KLHL1: variants seen among roughly 807,000 people sequenced by gnomAD.
The protein encoded by KLHL1 is kelch like family member 1.
KLHL1 carries 47 observed loss-of-function variants against 77.7 expected under a neutral mutation model. The observed-to-expected ratio is 0.60, with a 90% CI of 0.48 to 0.77. The LOEUF (loss-of-function observed/expected upper bound fraction) is 0.77. KLHL1 is among the 30% of genes least tolerant of loss of function. The pLI is 0.00. For synonymous variants in KLHL1, 360 were observed against 325.2 expected, an observed-to-expected ratio of 1.11 and a Z score of -1.15; for missense variants, 925 against 910.8, an observed-to-expected ratio of 1.02 and a Z score of -0.20.
At chr13:69,837,835 G>A (rs1879089783) in intron 6 of KLHL1, among the ~76,000 whole-genome samples, 1 of 151,224 alleles carries the variant, frequency 6.6e-6, no homozygotes, top group Non-Finnish European at 1.5e-5. Context: ...TTCAATAATA[G>A]TATATTCTAA....
chr13:69,923,204 G>A (rs533772659), intron 4 of KLHL1, among the ~76,000 whole-genome samples: 146 of 152,282 alleles, frequency 9.6e-4, no homozygotes, highest in African/African-American at 3.2e-3. Context: ...AAGGTCAGGG[G>A]AACCCTCAAA....
In KLHL1 at chr13:70,004,216, C is replaced by A. The variant is rs558112479; in HGVS notation, c.498-28414G>T. Among the ~76,000 whole-genome samples the A allele has an allele frequency of 5.9e-5, 9 of 151,728 alleles. No homozygotes were observed. The South Asian group carries it at 6.2e-4, about 10-fold the overall frequency. On this transcript the variant is annotated intron_variant, in intron 1 of 10. Transcript: ENST00000377844. ...CAGTCCTGAAAGGTTGGAAATAGAG[C>A]CAAAGTTGAGGATGGGGAAGCTACC...
intron 4 of KLHL1, among the ~76,000 whole-genome samples, chr13:69,907,109 A>T (rs1052449658): frequency 1.3e-5 from 2 of 151,994 alleles, no homozygotes; most frequent in Non-Finnish European, 2.9e-5. Context: ...TCCCTACTTC[A>T]CTTAAAAACA....
chr13:69,801,125 C>A (rs992021981), intron 6 of KLHL1, among the ~76,000 whole-genome samples: 4 of 152,068 alleles, frequency 2.6e-5, no homozygotes, highest in African/African-American at 9.7e-5. Context: ...CATATATACC[C>A]CATACATTTA....
At chr13:70,024,672 G>A (rs1434945994) in intron 1 of KLHL1, among the ~76,000 whole-genome samples, 1 of 83,720 alleles carries the variant, frequency 1.2e-5, no homozygotes, top group Admixed American at 1.3e-4. Context: ...CTCTGGCTCT[G>A]TCTCTTTTTC....
At chr13:69,945,972 C>T (rs1463320733) in intron 3 of KLHL1, among the ~76,000 whole-genome samples, 2 of 152,076 alleles carry the variant, frequency 1.3e-5, no homozygotes, top group African/African-American at 4.8e-5. Flanking sequence ...TATGCTTATT[C>T]AATGGAATAC....
In KLHL1 at chr13:70,046,702, C is replaced by T. The variant is rs559550190; in HGVS notation, c.497+60501G>A. On this transcript the variant is annotated intron_variant, in intron 1 of 10. Transcript: ENST00000377844. ...GTTTTGTTCTGTTTTTTAATAGAGACGGGGTTTCACCATGTTGGCCAGGCT... is the reference window on the plus strand; with the variant it reads ...GTTTTGTTCTGTTTTTTAATAGAGATGGGGTTTCACCATGTTGGCCAGGCT... Among the ~76,000 whole-genome samples, 27 of 152,068 alleles carry T rather than the reference C, an allele frequency of 1.8e-4. No individual in the cohort carries two copies. The South Asian group carries it at 1.9e-3, about 11-fold the overall frequency.
At chr13:69,821,841 C>A (rs187778633) in intron 6 of KLHL1, among the ~76,000 whole-genome samples, 55 of 152,076 alleles carry the variant, frequency 3.6e-4, no homozygotes, top group Non-Finnish European at 6.2e-4. Flanking sequence ...TTGCTTATGG[C>A]CCCATTAATA....
chr13:69,768,621 G>C (rs958211656), intron 7 of KLHL1, among the ~76,000 whole-genome samples: 4 of 152,068 alleles, frequency 2.6e-5, no homozygotes, highest in African/African-American at 9.7e-5. Context: ...TACTGATTCT[G>C]CATTGTATTT....
intron 7 of KLHL1, among the ~76,000 whole-genome samples, chr13:69,784,233 C>T (rs377742987): frequency 6.6e-6 from 1 of 152,054 alleles, no homozygotes; most frequent in African/African-American, 2.4e-5. Flanking sequence ...CAAAAACATG[C>T]CAAAATGTAA....
intron 1 of KLHL1, among the ~76,000 whole-genome samples, chr13:69,986,106 C>G (rs1884863153): frequency 6.6e-6 from 1 of 151,410 alleles, no homozygotes; most frequent in Non-Finnish European, 1.5e-5. Context: ...TATGTTCTCA[C>G]TTATGTGTAG....
intron 4 of KLHL1, among the ~76,000 whole-genome samples, chr13:69,912,178 T>C (rs1460799397): frequency 6.6e-6 from 1 of 152,210 alleles, no homozygotes; most frequent in Non-Finnish European, 1.5e-5. Context: ...TCTCCTTAGC[T>C]GTGGTCTTTA....
Position 69,760,229 on chromosome 13 carries a change from T to C in KLHL1, c.1640-19673A>G, listed in dbSNP as rs573025924. Among the ~76,000 whole-genome samples the C allele has an allele frequency of 6.6e-5, 10 of 152,200 alleles. No individual in the cohort carries two copies. In the East Asian group the frequency reaches 1.4e-3, roughly 21 times the overall value. ...TCTGCCTAGACTCAGTATGGATAAC[T>C]GAAAAAGAAACCAGGGATTGAGAGC... On this transcript the variant is annotated intron_variant, in intron 7 of 10. Transcript: ENST00000377844.
intron 1 of KLHL1, among the ~76,000 whole-genome samples, chr13:70,105,586 T>A (rs1309456301): frequency 6.6e-6 from 1 of 151,404 alleles, no homozygotes; most frequent in Non-Finnish European, 1.5e-5. Context: ...ATACTTAACC[T>A]AGTTTCCTTT....
intron 4 of KLHL1, among the ~76,000 whole-genome samples, chr13:69,922,395 T>C (rs181336667): frequency 4.7e-4 from 71 of 152,240 alleles, no homozygotes; most frequent in Middle Eastern, 3.4e-3. Flanking sequence ...TCTGGTATAG[T>C]AAAATAGCAG....
In KLHL1 at chr13:69,976,432, A is replaced by G. The variant is rs530284039; in HGVS notation, c.498-630T>C. ...ATTTTAATAAACTTTATGATTTTGG[A>G]AAGTCCATGATACTTAAGTTTTGTT... is the stretch of plus-strand genomic sequence containing the variant. On this transcript the variant is annotated intron_variant, in intron 1 of 10. Transcript: ENST00000377844. 4.6e-5 allele frequency among the ~76,000 whole-genome samples: 7 copies of G among 152,140 alleles called. No individual in the cohort carries two copies. The East Asian group carries it at 5.8e-4, about 13-fold the overall frequency.
intron 2 of KLHL1, among the ~76,000 whole-genome samples, chr13:69,968,841 C>T (rs754976134): frequency 6.6e-5 from 10 of 151,790 alleles, no homozygotes; most frequent in Admixed American, 5.3e-4. Context: ...GAAACCTGCA[C>T]GTTTTGCACA....
intron 1 of KLHL1, among the ~76,000 whole-genome samples, chr13:70,103,222 G>A (rs992106159): frequency 6.6e-6 from 1 of 152,106 alleles, no homozygotes; most frequent in African/African-American, 2.4e-5. Context: ...ACAACTTTGT[G>A]AGTTCCAGAG....
At chr13:69,890,470 C>T (rs564371116) in intron 4 of KLHL1, among the ~76,000 whole-genome samples, 4 of 152,136 alleles carry the variant, frequency 2.6e-5, no homozygotes, top group East Asian at 1.9e-4. Context: ...GGGAAACCCA[C>T]GACCCTGTGA....
Sources: allele counts gnomAD v4.1 joint callset (sites outside exome capture counted in the v4.1 genomes callset), GRCh38; gene constraint gnomAD v4.1.1; transcripts MANE v1.5; gene names NCBI Gene and HGNC (gene_info 2026-07-23, HGNC 2026-07-21).